PPM1H: variants seen among roughly 807,000 people sequenced by gnomAD.
PPM1H encodes the protein protein phosphatase 1H.
PPM1H carries 27 observed loss-of-function variants against 54.9 expected under a neutral mutation model. That is an observed-to-expected ratio of 0.49 (90% confidence interval 0.36 to 0.68). The LOEUF (loss-of-function observed/expected upper bound fraction) is 0.68, where lower values mean the gene tolerates loss of function less well. PPM1H is among the 30% of genes least tolerant of loss of function. The pLI is 0.00. For missense variants in PPM1H, 596 were observed against 667.8 expected (o/e 0.89, Z 1.19); for synonymous variants, 305 against 270.8 (o/e 1.13, Z -1.24).
At chr12:62,709,796 C>CGTG (rs935866103) in intron 6 of PPM1H, among the ~76,000 whole-genome samples, 3 of 152,202 alleles carry the variant, frequency 2.0e-5, no homozygotes, top group African/African-American at 7.2e-5. Flanking sequence ...AAAGGCCGGG[C>CGTG]GTGGTGGCTC....
At chr12:62,907,756 C>T (rs1186654547) in intron 1 of PPM1H, among the ~76,000 whole-genome samples, 1 of 152,152 alleles carries the variant, frequency 6.6e-6, no homozygotes, top group Admixed American at 6.5e-5. Context: ...ACTAGTCACA[C>T]ACGTGTGACA....
intron 1 of PPM1H, among the ~76,000 whole-genome samples, chr12:62,931,698 C>G (rs949855062): frequency 6.6e-6 from 1 of 152,146 alleles, no homozygotes; most frequent in South Asian, 2.1e-4. Context: ...GGGCAAGTTG[C>G]TTAATCACTC....
chr12:62,900,598 T>TAAA (rs111525770), intron 1 of PPM1H, among the ~76,000 whole-genome samples: 8 of 136,858 alleles, frequency 5.8e-5, no homozygotes, highest in South Asian at 2.4e-4. Context: ...TACCAGTAGT[T>TAAA]AAAAAAAAAA....
At chr12:62,781,788 C>T (rs997871902) in intron 4 of PPM1H, among the ~76,000 whole-genome samples, 2 of 152,172 alleles carry the variant, frequency 1.3e-5, no homozygotes, top group Non-Finnish European at 2.9e-5. Context: ...TGGCAAGTGG[C>T]CTGATGGGAA....
At chr12:62,873,749 AAT>A (rs1208784873) in intron 1 of PPM1H, among the ~76,000 whole-genome samples, 1 of 152,238 alleles carries the variant, frequency 6.6e-6, no homozygotes, top group East Asian at 1.9e-4. Context: ...TGGGGACGGG[AAT>A]AAATAAAAAC....
At position 62,880,871 on chromosome 12, in the gene PPM1H, G is replaced by A. The variant is rs576258082; in HGVS notation, c.246-48592C>T. On this transcript the variant is annotated intron_variant, in intron 1 of 9. Coordinates refer to ENST00000228705, the MANE Select transcript of PPM1H (RefSeq NM_020700.2). ...GGAGTCACCTGGTTCTAACTACCAT[G>A]CATATGTTGGGGAACCATCCTCTGT... Among the ~76,000 whole-genome samples, 256 of 152,178 alleles carry A rather than the reference G, an allele frequency of 1.7e-3. 1 individual carries two copies. The highest frequency in any genetic ancestry group is 5.9e-3 in the African/African-American group (243 of 41,504).
chr12:62,652,147 T>C (rs903352907), intron 9 of PPM1H, among the ~76,000 whole-genome samples: 1 of 152,228 alleles, frequency 6.6e-6, no homozygotes, highest in Non-Finnish European at 1.5e-5. Context: ...TGTTTTTCAA[T>C]GCCACTTTCA....
intron 1 of PPM1H, among the ~76,000 whole-genome samples, chr12:62,866,195 C>T (rs1869770034): frequency 6.6e-6 from 1 of 152,096 alleles, no homozygotes; most frequent in East Asian, 1.9e-4. Context: ...AGCAGGGCTC[C>T]CCGACCCTGT....
intron 9 of PPM1H, among the ~76,000 whole-genome samples, chr12:62,664,811 T>C (rs924453276): frequency 1.3e-5 from 2 of 152,198 alleles, no homozygotes; most frequent in East Asian, 3.9e-4. Context: ...GTAATATGTA[T>C]CAGTTTATGT....
chr12:62,701,881 T>C (rs2076145813), intron 6 of PPM1H, among the ~76,000 whole-genome samples: 1 of 152,218 alleles, frequency 6.6e-6, no homozygotes, highest in African/African-American at 2.4e-5. Context: ...ATTAATTTGT[T>C]TACCTTCTGT....
chr12:62,667,063 A>C (rs1592532233), intron 9 of PPM1H, 115 bp downstream of exon 9: 1 of 1,206,002 alleles, frequency 8.3e-7, no homozygotes, highest in Non-Finnish European at 1.1e-6. Context: ...TGGTTACTGT[A>C]CCGTCCATAT....
At chr12:62,882,555 C>G (rs1440514331) in intron 1 of PPM1H, among the ~76,000 whole-genome samples, 1 of 152,226 alleles carries the variant, frequency 6.6e-6, no homozygotes, top group East Asian at 1.9e-4. Context: ...GAAACAGGGG[C>G]AGAGTGGGGC....
At position 62,760,035 on chromosome 12, in the gene PPM1H, G is replaced by C. The variant is rs559955005; in HGVS notation, c.870-22449C>G. 9.2e-5 allele frequency among the ~76,000 whole-genome samples: 14 copies of C among 152,148 alleles called. No individual in the cohort carries two copies. The East Asian group carries it at 2.5e-3, about 27-fold the overall frequency. ...TCTTCCTTCTTCTCCCTTAGCCTGT[G>C]TTCTCAAGAACTTAAAACCTCTTCA... On this transcript the variant is annotated intron_variant, in intron 4 of 9. Coordinates refer to ENST00000228705, the MANE Select transcript of PPM1H (RefSeq NM_020700.2).
At chr12:62,771,636 G>T (rs1040546086) in intron 4 of PPM1H, among the ~76,000 whole-genome samples, 2 of 152,090 alleles carry the variant, frequency 1.3e-5, no homozygotes, top group African/African-American at 4.8e-5. Flanking sequence ...TTTACTATCT[G>T]CAGTAGTAGC....
At chr12:62,859,970 T>C (rs1869538287) in intron 1 of PPM1H, among the ~76,000 whole-genome samples, 1 of 152,198 alleles carries the variant, frequency 6.6e-6, no homozygotes, top group Admixed American at 6.5e-5. Flanking sequence ...AAAGTAGGCA[T>C]GTGTGCTTGT....
At chr12:62,752,022 T>G (rs2076445102) in intron 4 of PPM1H, among the ~76,000 whole-genome samples, 1 of 152,182 alleles carries the variant, frequency 6.6e-6, no homozygotes, top group African/African-American at 2.4e-5. Context: ...CTCTCATTCG[T>G]TGAACATAAC....
chr12:62,820,532 G>A (rs1000711707), intron 2 of PPM1H, among the ~76,000 whole-genome samples: 1 of 152,156 alleles, frequency 6.6e-6, no homozygotes, highest in African/African-American at 2.4e-5. Context: ...GTGCCCCTCT[G>A]AGACAAAGCT....
chr12:62,770,443 G>T (rs1473094319), intron 4 of PPM1H, among the ~76,000 whole-genome samples: 1 of 152,160 alleles, frequency 6.6e-6, no homozygotes, highest in Admixed American at 6.5e-5. Context: ...CTATTAATCA[G>T]TATATAACCT....
chr12:62,690,436 A>T (rs1407895781), intron 7 of PPM1H, among the ~76,000 whole-genome samples: 3 of 152,216 alleles, frequency 2.0e-5, no homozygotes, highest in Non-Finnish European at 4.4e-5. Flanking sequence ...TCTGGGTGGA[A>T]AGGAACAAAA....
Sources: gnomAD v4.1 joint callset for allele counts (sites outside exome capture counted in the v4.1 genomes callset) on GRCh38, gnomAD v4.1.1 for gene constraint, MANE v1.5 for transcripts, NCBI Gene and HGNC (gene_info 2026-07-23, HGNC 2026-07-21) for gene names.